PIP4K2C: variants seen among roughly 807,000 people sequenced by gnomAD.
PIP4K2C encodes phosphatidylinositol 5-phosphate 4-kinase type-2 gamma.
Under a neutral mutation model 45.0 loss-of-function variants are expected in PIP4K2C, and 21 were observed. The ratio of observed to expected loss-of-function variants is 0.47; its 90% confidence interval spans 0.33 to 0.67. PIP4K2C has a LOEUF of 0.67. PIP4K2C is among the 30% of genes least tolerant of loss of function. PIP4K2C has a pLI of 0.02. For missense variants in PIP4K2C, 456 were observed against 542.8 expected (o/e 0.84, Z 1.59); for synonymous variants, 201 against 204.8 (o/e 0.98, Z 0.16).
intron 5 of PIP4K2C, 22 bp downstream of exon 5, chr12:57,599,233 C>T (rs1354518150): frequency 6.2e-7 from 1 of 1,612,890 alleles, no homozygotes; most frequent in Admixed American, 1.7e-5. Flanking sequence ...GTAGCTCGGA[C>T]TTAGAGGGAG....
rs191857562 is a variant in PIP4K2C at position 57,601,789 on chromosome 12, C to T, written c.*183C>T. On this transcript the variant is annotated 3_prime_UTR_variant, in exon 10 of 10. Coordinates refer to ENST00000354947, the MANE Select transcript of PIP4K2C (RefSeq NM_024779.5). Reference sequence around the variant, plus strand: ...TTTCTGACCCTCAGAAATACATTGTCCTTTTTCCTCTTTGCCCATTTTTCT... The same window carrying T: ...TTTCTGACCCTCAGAAATACATTGTTCTTTTTCCTCTTTGCCCATTTTTCT... The T allele has an allele frequency of 2.5e-5, 15 of 604,978 alleles. No individual in the cohort carries two copies. The Admixed American group carries it at 4.1e-4, about 16-fold the overall frequency. 37.5% of individuals were successfully genotyped at this position (604,978 alleles called of 1,614,324 possible). A position where few individuals can be genotyped will look rare whatever the true frequency, so the allele number is the denominator to read the frequency against.
At chr12:57,593,675 G>GTTTTTTTTTTTTTTT (rs56900742) in intron 1 of PIP4K2C, among the ~76,000 whole-genome samples, 5 of 64,042 alleles carry the variant, frequency 7.8e-5, no homozygotes, top group Non-Finnish European at 8.0e-5. Context: ...AGCTTGCAGA[G>GTTTTTTTTTTTTTTT]TTTTTTTTTT....
chr12:57,599,298 T>C, intron 5 of PIP4K2C, 87 bp downstream of exon 5: 3 of 1,606,624 alleles, frequency 1.9e-6, no homozygotes, highest in Non-Finnish European at 2.6e-6. Context: ...GATGATTCCT[T>C]TTAAGGGAAA....
At chr12:57,594,181 T>C in intron 2 of PIP4K2C, 59 bp downstream of exon 2, 1 of 1,374,630 alleles carries the variant, frequency 7.3e-7, no homozygotes, top group Middle Eastern at 1.8e-4. Flanking sequence ...TAATAAATAA[T>C]TTTAAAAGTT....
intron 4 of PIP4K2C, among the ~76,000 whole-genome samples, chr12:57,596,491 A>G (rs999250889): frequency 4.3e-5 from 5 of 117,606 alleles, no homozygotes; most frequent in African/African-American, 7.9e-5. Flanking sequence ...GCCTAAAAAA[A>G]AAAAAAAAGA....
At chr12:57,600,086 C>A (rs536610737) in intron 6 of PIP4K2C, among the ~76,000 whole-genome samples, 21 of 151,018 alleles carry the variant, frequency 1.4e-4, no homozygotes, top group Admixed American at 6.6e-4. Flanking sequence ...AAAGAAAAGT[C>A]AGCCTGGAGG....
intron 6 of PIP4K2C, 61 bp from the exon 7 acceptor site, chr12:57,600,263 T>G (rs763088565): frequency 2.5e-5 from 25 of 1,002,714 alleles, no homozygotes; most frequent in Middle Eastern, 4.9e-4. Flanking sequence ...AGACAGAAGG[T>G]GGGGTTCTGA....
chr12:57,599,464 T>G, intron 6 of PIP4K2C, 26 bp downstream of exon 6: 1 of 1,612,174 alleles, frequency 6.2e-7, no homozygotes, highest in Non-Finnish European at 8.5e-7. Context: ...TGTGCTAGGG[T>G]GAGGGATGAG....
intron 8 of PIP4K2C, 65 bp downstream of exon 8, chr12:57,601,143 G>A (rs746221705): frequency 1.2e-6 from 2 of 1,600,408 alleles, no homozygotes; most frequent in African/African-American, 2.7e-5. Flanking sequence ...AGACCAGAGT[G>A]CTGGGGGAGA....
chr12:57,591,670 C>T (rs1156457669), intron 1 of PIP4K2C, among the ~76,000 whole-genome samples: 1 of 152,238 alleles, frequency 6.6e-6, no homozygotes, highest in Non-Finnish European at 1.5e-5. Flanking sequence ...TTTACTGCTC[C>T]ACTCTAGTTC....
intron 6 of PIP4K2C, 63 bp from the exon 7 acceptor site, chr12:57,600,261 G>A (rs907508820): frequency 6.1e-6 from 6 of 981,806 alleles, no homozygotes; most frequent in Non-Finnish European, 9.5e-6. Flanking sequence ...CTAGACAGAA[G>A]GTGGGGTTCT....
At position 57,603,252 on chromosome 12, in the gene PIP4K2C, T is replaced by C. The variant is rs907816194; in HGVS notation, c.*1646T>C. ...TAAAACTCTGTGACACCAGCAACCA[T>C]TGCTCTTTAGAAATGGGTTTTCTGA... is the stretch of plus-strand genomic sequence containing the variant. On this transcript the variant is annotated 3_prime_UTR_variant, in exon 10 of 10. Coordinates refer to ENST00000354947, the MANE Select transcript of PIP4K2C (RefSeq NM_024779.5). 1 of 152,644 alleles carries C rather than the reference T, an allele frequency of 6.6e-6. No individual in the cohort carries two copies. The highest frequency in any genetic ancestry group is 2.4e-5 in the African/African-American group (1 of 41,458). 9.5% of individuals were successfully genotyped at this position (152,644 alleles called of 1,614,324 possible). A position where few individuals can be genotyped will look rare whatever the true frequency, so the allele number is the denominator to read the frequency against.
At chr12:57,599,275 T>A in intron 5 of PIP4K2C, 64 bp downstream of exon 5, 1 of 1,604,302 alleles carries the variant, frequency 6.2e-7, no homozygotes, top group Admixed American at 1.7e-5. Flanking sequence ...GGGAAGACCC[T>A]GGGAGGTCTT....
At chr12:57,591,570 T>G in intron 1 of PIP4K2C, 107 bp downstream of exon 1, 2 of 1,300,832 alleles carry the variant, frequency 1.5e-6, no homozygotes, top group Non-Finnish European at 2.1e-6. Context: ...GCCACTCCCC[T>G]CCCCCGGGTT....
At position 57,595,907 on chromosome 12, in the gene PIP4K2C, C is replaced by G. The variant is rs745419979; in HGVS notation, c.389C>G (p.Pro130Arg). 5.6e-6 allele frequency: 9 copies of G among 1,614,028 alleles called. No homozygotes were observed. The South Asian group carries it at 8.8e-5, about 16-fold the overall frequency. The change falls in exon 4 of 10, where the codon CCC (proline) becomes CGC (arginine). Residue 130 changes from proline to arginine, a missense_variant. Pro to Arg is a moderately radical substitution (Grantham distance 103, BLOSUM62 -2). Transcript: ENST00000354947. ...CCCCAGGTGTCCCTTACCCGAAACC[C>G]CCCCAGCGAAAGTGAAGGCAGTGAT... ...QDYLVSLTRN[P>R]PSESEGSDGR...
intron 4 of PIP4K2C, among the ~76,000 whole-genome samples, chr12:57,597,398 C>G (rs1264364204): frequency 1.3e-5 from 2 of 152,064 alleles, no homozygotes; most frequent in African/African-American, 4.8e-5. Context: ...TGCCTATTCA[C>G]CAGAAATTAG....
intron 4 of PIP4K2C, among the ~76,000 whole-genome samples, chr12:57,597,723 T>G (rs1352034074): frequency 6.6e-6 from 1 of 152,140 alleles, no homozygotes; most frequent in Non-Finnish European, 1.5e-5. Context: ...ATGGACACTT[T>G]TAATTATTTA....
In PIP4K2C at chr12:57,600,443, G is replaced by C. The variant is rs781352906; in HGVS notation, c.813+6G>C. 2.6e-6 allele frequency: 4 copies of C among 1,567,706 alleles called. No homozygotes were observed. The East Asian group carries it at 9.0e-5, about 35-fold the overall frequency. On this transcript the variant is annotated splice_donor_region_variant and intron_variant, in intron 7 of 9. Transcript: ENST00000354947. ...AGCTGAAGAGAGATGTGGAGGTGAT[G>C]ATTGGGTGCTCTGGGAAATGGCTTT...
chr12:57,601,198 A>G (rs891142312), intron 8 of PIP4K2C, 47 bp from the exon 9 acceptor site: 3 of 1,592,480 alleles, frequency 1.9e-6, no homozygotes, highest in African/African-American at 1.3e-5. Flanking sequence ...TCCTGGAGAA[A>G]GGGAATTGGA....
Sources: allele counts gnomAD v4.1 joint callset (sites outside exome capture counted in the v4.1 genomes callset), GRCh38; gene constraint gnomAD v4.1.1; transcripts MANE v1.5; gene names NCBI Gene and HGNC (gene_info 2026-07-23, HGNC 2026-07-21).